ZMYM4: variants seen among roughly 807,000 people sequenced by gnomAD.
ZMYM4 encodes zinc finger MYM-type containing 4.
ZMYM4 carries 31 observed loss-of-function variants against 183.2 expected under a neutral mutation model. The observed-to-expected ratio is 0.17, with a 90% CI of 0.13 to 0.23. ZMYM4 has a LOEUF of 0.23. Among genes scored for constraint, ZMYM4 ranks in the 10% least tolerant of loss-of-function variants. The probability of loss-of-function intolerance (pLI) is 1.00; values close to 1 mark genes in which losing one functional copy is unlikely to be tolerated. For synonymous variants in ZMYM4, 592 were observed against 631.2 expected, an observed-to-expected ratio of 0.94 and a Z score of 0.93; for missense variants, 1,273 against 1,840.3, an observed-to-expected ratio of 0.69 and a Z score of 5.64.
At chr1:35,407,440 A>G (rs1017610265) in intron 25 of ZMYM4, among the ~76,000 whole-genome samples, 15 of 152,198 alleles carry the variant, frequency 9.9e-5, no homozygotes, top group African/African-American at 3.1e-4. Context: ...AAAAAAAAAA[A>G]AAAGAAAGAA....
chr1:35,411,159 T>A (rs1308760970), intron 26 of ZMYM4, among the ~76,000 whole-genome samples: 1 of 151,730 alleles, frequency 6.6e-6, no homozygotes, highest in Non-Finnish European at 1.5e-5. Flanking sequence ...TAATTTGGAC[T>A]CTCAGTTATA....
rs146716671 is a variant in ZMYM4, at chr1:35,354,922, T to C, written c.86-4003T>C. 1.7e-3 allele frequency among the ~76,000 whole-genome samples: 262 copies of C among 152,126 alleles called. 2 individuals carry two copies. The highest frequency in any genetic ancestry group is 5.9e-3 in the African/African-American group (247 of 41,568). On this transcript the variant is annotated intron_variant, in intron 2 of 29. Transcript: ENST00000314607. Reference sequence around the variant, plus strand: ...GCCAGATGGTAAATATTTTGGACTTTGCAGCCTACATATGGTCTCTTTCAA... The same window carrying C: ...GCCAGATGGTAAATATTTTGGACTTCGCAGCCTACATATGGTCTCTTTCAA...
At chr1:35,355,259 G>A (rs1323709579) in intron 2 of ZMYM4, among the ~76,000 whole-genome samples, 1 of 143,468 alleles carries the variant, frequency 7.0e-6, no homozygotes, top group Non-Finnish European at 1.5e-5. Context: ...GTGTTAGCCA[G>A]GATGGTCTCA....
At chr1:35,276,383 A>G (rs1639877357) in intron 1 of ZMYM4, among the ~76,000 whole-genome samples, 1 of 151,890 alleles carries the variant, frequency 6.6e-6, no homozygotes, top group Non-Finnish European at 1.5e-5. Flanking sequence ...TAATCTATAA[A>G]TACTTCCGTG....
chr1:35,418,688 C>G, intron 29 of ZMYM4, 116 bp downstream of exon 29: 1 of 1,347,636 alleles, frequency 7.4e-7, no homozygotes. Flanking sequence ...AAGGATTTAC[C>G]ATGAATTTTT....
At chr1:35,366,004 A>ATCACAGG (rs1449093369) in intron 5 of ZMYM4, 2 of 152,252 alleles carry the variant, frequency 1.3e-5, no homozygotes, top group African/African-American at 4.8e-5. Context: ...TGCAATAGCC[A>ATCACAGG]TCACAGAGAC....
intron 9 of ZMYM4, 66 bp from the exon 10 acceptor site, chr1:35,385,376 A>G (rs776885312): frequency 6.0e-6 from 9 of 1,504,832 alleles, no homozygotes; most frequent in Non-Finnish European, 8.1e-6. Flanking sequence ...GAGTATAAAC[A>G]TTTCGAAGAA....
At chr1:35,386,846 C>T (rs1193501708) in intron 11 of ZMYM4, among the ~76,000 whole-genome samples, 157 bp from the exon 12 acceptor site, 1 of 152,114 alleles carries the variant, frequency 6.6e-6, no homozygotes, top group Non-Finnish European at 1.5e-5. Flanking sequence ...AAATGAGACT[C>T]CCCCCATTCC....
chr1:35,415,077 T>C (rs1374408686), intron 27 of ZMYM4, among the ~76,000 whole-genome samples: 2 of 152,210 alleles, frequency 1.3e-5, no homozygotes, highest in South Asian at 2.1e-4. Context: ...TATATGACTA[T>C]AAATAAATTT....
At chr1:35,362,289 A>T (rs1005842860) in intron 5 of ZMYM4, among the ~76,000 whole-genome samples, 1 of 152,242 alleles carries the variant, frequency 6.6e-6, no homozygotes, top group African/African-American at 2.4e-5. Flanking sequence ...TTGATGAATG[A>T]TACATGATTC....
chr1:35,312,046 C>G (rs1641827587), intron 1 of ZMYM4, among the ~76,000 whole-genome samples: 1 of 152,082 alleles, frequency 6.6e-6, no homozygotes, highest in Admixed American at 6.6e-5. Flanking sequence ...GCCACCATAC[C>G]CTGCCTGTTT....
intron 2 of ZMYM4, among the ~76,000 whole-genome samples, chr1:35,342,902 G>A (rs1174455965): frequency 2.0e-5 from 3 of 151,906 alleles, no homozygotes; most frequent in Admixed American, 6.6e-5. Context: ...GGCTGGTAGC[G>A]AACTCCAGGC....
At chr1:35,301,849 G>C (rs1641292498) in intron 1 of ZMYM4, among the ~76,000 whole-genome samples, 1 of 152,110 alleles carries the variant, frequency 6.6e-6, no homozygotes, top group Admixed American at 6.6e-5. Flanking sequence ...CTCCATTTAG[G>C]TTCACTCTGT....
At chr1:35,352,265 GCGCGCACACACA>G (rs1433109817) in intron 2 of ZMYM4, among the ~76,000 whole-genome samples, 2,322 of 85,462 alleles carry the variant, frequency 0.027, 95 homozygotes, top group East Asian at 0.098. Context: ...GCGCACGCGC[GCGCGCACACACA>G]CACACACACA....
chr1:35,367,294 G>A (rs928791326), intron 5 of ZMYM4, among the ~76,000 whole-genome samples: 19 of 151,156 alleles, frequency 1.3e-4, no homozygotes, highest in Non-Finnish European at 2.2e-4. Flanking sequence ...ATATTGGCTC[G>A]CTGCAACCTC....
chr1:35,268,945 G>A lies in ZMYM4; in HGVS notation c.-102G>A. 7.7e-7 allele frequency: 1 copy of A among 1,292,686 alleles called. No homozygotes were observed. The highest frequency in any genetic ancestry group is 9.9e-7 in the Non-Finnish European group (1 of 1,010,300). The allele number at this position is 1,292,686 out of a possible 1,614,324, so 80.1% of individuals were successfully genotyped here. On this transcript the variant is annotated 5_prime_UTR_variant, in exon 1 of 30. Coordinates refer to ENST00000314607, the MANE Select transcript of ZMYM4 (RefSeq NM_005095.3). ...AGGCCCGGCCGGGTCCGGGGAAGCT[G>A]CCGCGAGGCGGCCGTGCCTGCAGTG...
At chr1:35,350,798 G>A in intron 2 of ZMYM4, 1 of 504,750 alleles carries the variant, frequency 2.0e-6, no homozygotes, top group Admixed American at 2.7e-5. Flanking sequence ...TGACGAGAGG[G>A]TAAAACTGAT....
At chr1:35,394,012 A>C (rs1644758614) in intron 18 of ZMYM4, among the ~76,000 whole-genome samples, 1 of 152,162 alleles carries the variant, frequency 6.6e-6, no homozygotes, top group Non-Finnish European at 1.5e-5. Context: ...TTATAGAATA[A>C]GCATAAGGTT....
intron 13 of ZMYM4, 78 bp downstream of exon 13, chr1:35,387,682 G>T: frequency 2.1e-6 from 3 of 1,439,868 alleles, no homozygotes; most frequent in Non-Finnish European, 2.8e-6. Flanking sequence ...AGCTTTCACT[G>T]TCTAAGTTAA....
Sources: gnomAD v4.1 joint callset for allele counts (sites outside exome capture counted in the v4.1 genomes callset) on GRCh38, gnomAD v4.1.1 for gene constraint, MANE v1.5 for transcripts, NCBI Gene and HGNC (gene_info 2026-07-23, HGNC 2026-07-21) for gene names.